TXNDC11: variants seen among roughly 807,000 people sequenced by gnomAD.
TXNDC11 encodes thioredoxin domain containing 11, also known as thioredoxin domain-containing protein 11.
Under a neutral mutation model 78.0 loss-of-function variants are expected in TXNDC11, and 68 were observed. That is an observed-to-expected ratio of 0.87 (90% CI 0.72 to 1.07). The LOEUF (loss-of-function observed/expected upper bound fraction) is 1.07. Ranked by LOEUF, TXNDC11 falls within the 50% of genes least tolerant of loss-of-function variation. The pLI is 0.00. For missense variants in TXNDC11, 1,389 were observed against 1,221.8 expected (o/e 1.14, Z -2.04); for synonymous variants, 571 against 495.2 (o/e 1.15, Z -2.03).
chr16:11,693,268 A>G (rs2050770847), intron 7 of TXNDC11, among the ~76,000 whole-genome samples: 1 of 152,176 alleles, frequency 6.6e-6, no homozygotes, highest in Admixed American at 6.5e-5. Flanking sequence ...TTGAATTTAT[A>G]TTTTATTCTA....
rs76324454 is a variant in TXNDC11, at chr16:11,721,607, A to C, written c.763T>G (p.Phe255Val). ...SPQPPGYLTF[F>V]TSALHSLKKD... ...TTTAATGAATGTAATGCTGAGGTGA[A>C]GAAGGTCAAATAACCAGGAGGCTGG... The change falls in exon 5 of 12, where the codon TTC becomes GTC. Residue 255 changes from phenylalanine to valine, a missense_variant. Coordinates refer to ENST00000283033, the MANE Select transcript of TXNDC11 (RefSeq NM_015914.7). The C allele has an allele frequency of 6.2e-7, 1 of 1,611,216 alleles. No homozygotes were observed. The highest frequency in any genetic ancestry group is 1.3e-5 in the African/African-American group (1 of 74,842).
chr16:11,712,451 C>A (rs1354418653), intron 5 of TXNDC11, among the ~76,000 whole-genome samples: 1 of 152,144 alleles, frequency 6.6e-6, no homozygotes, highest in Non-Finnish European at 1.5e-5. Context: ...TCACTAAATT[C>A]TCATTGTGAG....
intron 5 of TXNDC11, among the ~76,000 whole-genome samples, chr16:11,700,854 G>A (rs142840991): frequency 6.6e-6 from 1 of 152,280 alleles, no homozygotes; most frequent in African/African-American, 2.4e-5. Flanking sequence ...TGTCCCCATT[G>A]ATGACAGGCT....
In TXNDC11 at chr16:11,733,085, C is replaced by T. The variant is rs543283887; in HGVS notation, c.569+897G>A. Reference sequence around the variant, plus strand: ...CCAGCCTGGCAACATGGTAAAACCCCGTCTCTACTAAGAATACAAAAATTA... The same window carrying T: ...CCAGCCTGGCAACATGGTAAAACCCTGTCTCTACTAAGAATACAAAAATTA... On this transcript the variant is annotated intron_variant, in intron 3 of 11. Coordinates refer to ENST00000283033, the MANE Select transcript of TXNDC11 (RefSeq NM_015914.7). 2.6e-5 allele frequency among the ~76,000 whole-genome samples: 4 copies of T among 152,080 alleles called. No homozygotes were observed. In the East Asian group the frequency reaches 5.8e-4, roughly 22 times the overall value.
intron 5 of TXNDC11, among the ~76,000 whole-genome samples, chr16:11,714,133 C>T (rs2051450746): frequency 1.3e-5 from 2 of 152,058 alleles, no homozygotes; most frequent in Non-Finnish European, 2.9e-5. Flanking sequence ...CCCTGACTTC[C>T]TAGGTTCAAA....
rs776125243 is a variant in TXNDC11 at position 11,691,883 on chromosome 16, GAGA to G, written c.1304_1306del (p.Phe435del). 56 of 1,614,104 alleles carry G rather than the reference GAGA, an allele frequency of 3.5e-5. No individual in the cohort carries two copies. The highest frequency in any genetic ancestry group is 4.2e-5 in the Non-Finnish European group (49 of 1,180,006). On this transcript the variant is annotated inframe_deletion, in exon 8 of 12. Transcript: ENST00000283033. ...GAGTTCACAGACGTTGTGGGTCCTG[GAGA>G]AGGAGTGCCACTGGGGCAGCACCAC...
chr16:11,691,092 T>A, intron 8 of TXNDC11, 198 bp downstream of exon 8: 1 of 572,150 alleles, frequency 1.7e-6, no homozygotes, highest in Non-Finnish European at 3.0e-6. Context: ...AAATTCAGAG[T>A]GAGGAAGTTT....
chr16:11,684,270 G>A, intron 10 of TXNDC11, 25 bp from the exon 11 acceptor site: 2 of 1,572,758 alleles, frequency 1.3e-6, no homozygotes, highest in Non-Finnish European at 1.7e-6. Context: ...GAACAGAAAT[G>A]GCAGATGATC....
chr16:11,725,175 A>C (rs1195606347), intron 4 of TXNDC11, among the ~76,000 whole-genome samples: 1 of 152,172 alleles, frequency 6.6e-6, no homozygotes, highest in Middle Eastern at 3.2e-3. Flanking sequence ...TGTAGTGCTT[A>C]CCTGGGTAGA....
At chr16:11,721,240 A>G (rs1362884324) in intron 5 of TXNDC11, 1 of 182,590 alleles carries the variant, frequency 5.5e-6, no homozygotes, top group African/African-American at 2.4e-5. Context: ...GGAGTTCGAG[A>G]CCAGCCTGGC....
At chr16:11,697,035 A>AG (rs1237884370) in intron 7 of TXNDC11, among the ~76,000 whole-genome samples, 16 of 152,232 alleles carry the variant, frequency 1.1e-4, no homozygotes, top group African/African-American at 3.9e-4. Flanking sequence ...ATGGTGCCTC[A>AG]GTTCACAAAA....
chr16:11,685,324 C>A (rs147908457), intron 10 of TXNDC11, among the ~76,000 whole-genome samples: 2 of 152,044 alleles, frequency 1.3e-5, no homozygotes, highest in South Asian at 2.1e-4. Context: ...GCATTCCAGC[C>A]TGGGCAACAG....
In TXNDC11 at chr16:11,735,986, A is replaced by G. The variant is rs766320647; in HGVS notation, c.471+31T>C. On this transcript the variant is annotated intron_variant, in intron 2 of 11. Coordinates refer to ENST00000283033, the MANE Select transcript of TXNDC11 (RefSeq NM_015914.7). The stretch of plus-strand genomic sequence containing the variant: ...TGCCCTACATATAGGACTGACAGTC[A>G]TTTGATTCTTAAGCTGAATGTGAGC... The G allele has an allele frequency of 1.4e-5, 22 of 1,607,228 alleles. No homozygotes were observed. In the South Asian group the frequency reaches 2.2e-4, roughly 16 times the overall value.
At chr16:11,732,234 C>T (rs1470946989) in intron 3 of TXNDC11, among the ~76,000 whole-genome samples, 9 of 152,206 alleles carry the variant, frequency 5.9e-5, no homozygotes, top group African/African-American at 2.2e-4. Flanking sequence ...TATGACAATA[C>T]TGTATACCTG....
intron 5 of TXNDC11, among the ~76,000 whole-genome samples, chr16:11,702,092 G>GTATATATATATA (rs35673646): frequency 2.0e-4 from 29 of 144,366 alleles, no homozygotes; most frequent in African/African-American, 7.4e-4. Flanking sequence ...GTATGTATGT[G>GTATATATATATA]TATATATATA....
At chr16:11,731,334 G>C (rs533368089) in intron 3 of TXNDC11, among the ~76,000 whole-genome samples, 1 of 152,232 alleles carries the variant, frequency 6.6e-6, no homozygotes, top group Non-Finnish European at 1.5e-5. Flanking sequence ...AAGGTCTGAA[G>C]TCAGTGACCT....
At position 11,706,766 on chromosome 16, in the gene TXNDC11, T is replaced by G. The variant is rs551171199; in HGVS notation, c.794-6202A>C. On this transcript the variant is annotated intron_variant, in intron 5 of 11. Transcript: ENST00000283033. ...TGAAAGACCTGAAACTCCATCTGGT[T>G]TCCACTCACATTCATCTGGCTCACT... is the stretch of plus-strand genomic sequence containing the variant. Among the ~76,000 whole-genome samples, 10 of 152,312 alleles carry G rather than the reference T, an allele frequency of 6.6e-5. No individual in the cohort carries two copies. In the South Asian group the frequency reaches 1.9e-3, roughly 28 times the overall value.
Position 11,692,029 on chromosome 16 carries a change from C to T in TXNDC11, c.1161G>A (p.Glu387=), listed in dbSNP as rs1445283360. ...YNNCHGDQVV[E]RLLQHLRRVD... is the part of the protein sequence containing the mutation. ...CCCGCCGCAGGTGCTGAAGGAGACG[C>T]TCCACCACCTGGTCCCCATGACAGT... The change falls in exon 8 of 12, where the codon GAG becomes GAA. Residue 387 remains glutamate, a synonymous_variant. Transcript: ENST00000283033. 1.9e-6 allele frequency: 3 copies of T among 1,552,980 alleles called. No homozygotes were observed. The highest frequency in any genetic ancestry group is 1.2e-5 in the South Asian group (1 of 80,328).
chr16:11,738,653 C>T (rs1480659190), intron 1 of TXNDC11, among the ~76,000 whole-genome samples: 1 of 143,498 alleles, frequency 7.0e-6, no homozygotes, highest in South Asian at 2.2e-4. Context: ...GTGGGGAGGG[C>T]ACTACAGGAA....
Sources: allele counts gnomAD v4.1 joint callset (sites outside exome capture counted in the v4.1 genomes callset), GRCh38; gene constraint gnomAD v4.1.1; transcripts MANE v1.5; gene names NCBI Gene and HGNC (gene_info 2026-07-23, HGNC 2026-07-21).